STOX2: variants seen among roughly 807,000 people sequenced by gnomAD.
STOX2 encodes the protein storkhead-box protein 2.
STOX2 carries 28 observed loss-of-function variants against 60.9 expected under a neutral mutation model. The ratio of observed to expected loss-of-function variants is 0.46; its 90% CI spans 0.34 to 0.63. The LOEUF is 0.63. Ranked by LOEUF, STOX2 falls within the 30% of genes least tolerant of loss-of-function variation. The pLI, the probability that STOX2 is intolerant of heterozygous loss-of-function variation, is 0.01. For synonymous variants in STOX2, 472 were observed against 463.9 expected, an observed-to-expected ratio of 1.02 and a Z score of -0.22; for missense variants, 1,024 against 1,187.7, an observed-to-expected ratio of 0.86 and a Z score of 2.03.
At position 184,022,279 on chromosome 4, in the gene STOX2, T is replaced by G. The variant is rs1734620476; in HGVS notation, c.*4995T>G. On this transcript the variant is annotated 3_prime_UTR_variant, in exon 4 of 4. Transcript: ENST00000308497. ...AAACATTCATTATTACATTTCCTTG[T>G]GTGTTTCAAACAGACATTGGCACCT... The G allele has an allele frequency of 6.6e-6, 1 of 152,182 alleles. No individual in the cohort carries two copies. Among genetic ancestry groups the G allele is most frequent in the Admixed American group, 6.5e-5 (1 of 15,284 alleles). The allele number at this position is 152,182 out of a possible 1,614,324, so 9.4% of individuals were successfully genotyped here.
At chr4:183,910,243 CATTCT>C (rs1227515766) in intron 1 of STOX2, among the ~76,000 whole-genome samples, 1 of 152,166 alleles carries the variant, frequency 6.6e-6, no homozygotes, top group Non-Finnish European at 1.5e-5. Context: ...GATGTGGGAT[CATTCT>C]TGGGCATTTT....
chr4:183,932,356 CAGTATATGTATGTATACATACA>C (rs1742454633), intron 1 of STOX2, among the ~76,000 whole-genome samples: 1 of 20,318 alleles, frequency 4.9e-5, no homozygotes, highest in Non-Finnish European at 1.7e-4. Context: ...TGTATACATA[CAGTATATGTATGTATACATACA>C]GTATATGTAT....
Position 183,906,927 on chromosome 4 carries a change from C to T in STOX2, c.137C>T (p.Pro46Leu). 1 of 1,549,058 alleles carries T rather than the reference C, an allele frequency of 6.5e-7. No individual in the cohort carries two copies. The highest frequency in any genetic ancestry group is 1.2e-5 in the South Asian group (1 of 83,918). The stretch of plus-strand genomic sequence containing the variant: ...AAGCGTTTCCCCGCGGCCTTCGCGC[C>T]CCAGGCTTCGCGGGGCTACATGACA... Reference protein sequence around the residue: ...LHKRFPAAFAPQASRGYMTSG... With the variant: ...LHKRFPAAFALQASRGYMTSG... The change falls in exon 1 of 4, where the codon CCC (proline) becomes CTC (leucine). Residue 46 changes from proline (P) to leucine (L), a missense_variant. Physicochemically the swap from Pro to Leu is moderately conservative, Grantham distance 98 (BLOSUM62 -3). This residue lies in a region of STOX2 where 98 missense variants were observed against 110.2 expected (regional missense o/e 0.89). Transcript: ENST00000308497.
chr4:183,932,226 G>A (rs1465001553), intron 1 of STOX2, among the ~76,000 whole-genome samples: 2 of 151,918 alleles, frequency 1.3e-5, no homozygotes, highest in South Asian at 2.1e-4. Context: ...GGTTGGGGAC[G>A]TTGATGAGTT....
At chr4:183,968,779 A>G (rs1029027285) in intron 1 of STOX2, among the ~76,000 whole-genome samples, 1 of 7,370 alleles carries the variant, frequency 1.4e-4, no homozygotes, top group Admixed American at 1.8e-3. Flanking sequence ...GTTGGGTGGC[A>G]GGGGTTTGGC....
chr4:183,903,592 T>G (rs1158002273), upstream of STOX2, among the ~76,000 whole-genome samples: 1 of 152,228 alleles, frequency 6.6e-6, no homozygotes, highest in African/African-American at 2.4e-5. Flanking sequence ...CATTGTTTGC[T>G]GAATGAATGA....
At chr4:183,864,195 T>C (rs1219306625) in intron 1 of STOX2, among the ~76,000 whole-genome samples, 1 of 152,198 alleles carries the variant, frequency 6.6e-6, no homozygotes, top group Non-Finnish European at 1.5e-5. Flanking sequence ...ATGCCTTTAC[T>C]ATCCTAACAT....
intron 1 of STOX2, among the ~76,000 whole-genome samples, chr4:183,974,920 C>T (rs1465997380): frequency 6.6e-6 from 1 of 151,926 alleles, no homozygotes; most frequent in Non-Finnish European, 1.5e-5. Context: ...AGGGAGCATT[C>T]AGAAAAATAG....
intron 1 of STOX2, among the ~76,000 whole-genome samples, chr4:183,833,674 C>A (rs1739627141): frequency 6.6e-6 from 1 of 151,042 alleles, no homozygotes. Context: ...AGAGTTTCAC[C>A]AAAGCAGGTA....
intron 1 of STOX2, among the ~76,000 whole-genome samples, chr4:183,946,485 T>A (rs931144129): frequency 2.6e-5 from 4 of 152,178 alleles, no homozygotes; most frequent in Admixed American, 6.5e-5. Flanking sequence ...ATGTCCTCCA[T>A]ATCTGTGGGT....
chr4:183,940,382 G>A (rs926905204), intron 1 of STOX2, among the ~76,000 whole-genome samples: 3 of 152,152 alleles, frequency 2.0e-5, no homozygotes, highest in African/African-American at 4.8e-5. Context: ...TAGCAACTTC[G>A]TAGCAATATG....
rs1230620770 is a variant in STOX2 at position 183,856,618 on chromosome 4, G to A, written c.364+58563G>A. ...CTGGCTGACTGCAGCTAATGGTAGG[G>A]TGGTTCATGTGAACATCGCTTTGCA... On this transcript the variant is annotated intron_variant, in intron 1 of 2. Coordinates refer to the STOX2 transcript ENST00000513034. The surrounding 1 kb of genome is among the most constrained non-coding windows in gnomAD (Gnocchi z 4.0). Among the ~76,000 whole-genome samples, 4 of 152,152 alleles carry A rather than the reference G, an allele frequency of 2.6e-5. No individual in the cohort carries two copies. The highest frequency in any genetic ancestry group is 5.9e-5 in the Non-Finnish European group (4 of 68,032).
intron 2 of STOX2, among the ~76,000 whole-genome samples, chr4:184,002,063 TGCAG>T (rs1165848830): frequency 6.6e-6 from 1 of 152,238 alleles, no homozygotes; most frequent in Non-Finnish European, 1.5e-5. Flanking sequence ...AGCTGCAGAA[TGCAG>T]GACCCTCTTT....
At chr4:183,852,536 G>GAAAGGATGAGA (rs1740177801) in intron 1 of STOX2, among the ~76,000 whole-genome samples, 3 of 4,034 alleles carry the variant, frequency 7.4e-4, no homozygotes, top group Non-Finnish European at 1.9e-3. Flanking sequence ...AAAGGATGAG[G>GAAAGGATGAGA]GAAAGGATGA....
chr4:183,986,241 T>C (rs960009597), intron 1 of STOX2, among the ~76,000 whole-genome samples: 1 of 152,254 alleles, frequency 6.6e-6, no homozygotes, highest in African/African-American at 2.4e-5. Flanking sequence ...ATATGGCCTA[T>C]TAGGTCCTTA....
intron 1 of STOX2, among the ~76,000 whole-genome samples, chr4:183,896,654 T>C (rs1332369266): frequency 6.6e-6 from 1 of 152,202 alleles, no homozygotes; most frequent in African/African-American, 2.4e-5. Flanking sequence ...CTTTTCCTTT[T>C]AGTATATTTC....
chr4:183,826,650 A>G (rs1739440344), intron 1 of STOX2, among the ~76,000 whole-genome samples: 1 of 152,236 alleles, frequency 6.6e-6, no homozygotes, highest in Admixed American at 6.5e-5. Context: ...AGGTCACACC[A>G]TCGCCCTCAA....
intron 1 of STOX2, among the ~76,000 whole-genome samples, chr4:183,954,188 C>T (rs1367119865): frequency 2.0e-5 from 3 of 152,202 alleles, no homozygotes; most frequent in East Asian, 3.8e-4. Context: ...CTTCTTGTCA[C>T]GTTGCAGGGC....
At chr4:183,857,951 TA>T (rs1166010994) in intron 1 of STOX2, among the ~76,000 whole-genome samples, 1 of 152,164 alleles carries the variant, frequency 6.6e-6, no homozygotes, top group Non-Finnish European at 1.5e-5. Context: ...CTCAAACATT[TA>T]TCGAGTGCCT....
Sources: gnomAD v4.1 joint callset for allele counts (sites outside exome capture counted in the v4.1 genomes callset) on GRCh38, gnomAD v4.1.1 for gene constraint, gnomAD v4.1.1 regional missense constraint, Gnocchi (gnomAD v3.1) non-coding constraint, MANE v1.5 for transcripts, NCBI Gene and HGNC (gene_info 2026-07-23, HGNC 2026-07-21) for gene names.